The following TMPRSS15 variants were observed in gnomAD, a reference collection of about 807,000 sequenced individuals.
The protein encoded by TMPRSS15 is enteropeptidase.
A neutral mutation model predicts 125.3 loss-of-function variants in TMPRSS15; 128 were observed. The ratio of observed to expected loss-of-function variants is 1.02; its 90% confidence interval spans 0.89 to 1.18. TMPRSS15 has a LOEUF of 1.18. Ranked by LOEUF, TMPRSS15 falls within the 50% of genes most tolerant of loss-of-function variation. TMPRSS15 has a pLI of 0.00. For missense variants in TMPRSS15, 1,283 were observed against 1,212.7 expected (o/e 1.06, Z -0.86); for synonymous variants, 446 against 423.2 (o/e 1.05, Z -0.66).
chr21:18,270,214 A>C, intron 24 of TMPRSS15, 90 bp from the exon 25 acceptor site: 2 of 1,141,294 alleles, frequency 1.8e-6, no homozygotes, highest in Non-Finnish European at 2.5e-6. Context: ...ATTAAAAAAT[A>C]AAAATTAATT....
rs183404901 is a variant in TMPRSS15 at position 18,274,961 on chromosome 21, T to C, written c.2904+236A>G. ...TAGCTGGCTGCCTCACACATTCAAG[T>C]ATTATGTCTAGTCTCCAAAAGCATC... On this transcript the variant is annotated intron_variant, in intron 24 of 24. Coordinates refer to ENST00000284885, the MANE Select transcript of TMPRSS15 (RefSeq NM_002772.3). 2.0e-4 allele frequency among the ~76,000 whole-genome samples: 31 copies of C among 152,332 alleles called. No homozygotes were observed. In the East Asian group the frequency reaches 2.9e-3, roughly 14 times the overall value.
intron 6 of TMPRSS15, among the ~76,000 whole-genome samples, chr21:18,368,108 G>C (rs1240045551): frequency 2.0e-5 from 3 of 152,270 alleles, no homozygotes; most frequent in East Asian, 1.9e-4. Flanking sequence ...GACACACACA[G>C]AGAGAGAAAG....
intron 14 of TMPRSS15, among the ~76,000 whole-genome samples, chr21:18,330,439 T>G (rs940130659): frequency 6.6e-6 from 1 of 152,212 alleles, no homozygotes; most frequent in African/African-American, 2.4e-5. Context: ...TCTTTCACAC[T>G]TCTAATTTTA....
At chr21:18,325,216 G>A (rs2075276785) in intron 16 of TMPRSS15, among the ~76,000 whole-genome samples, 2 of 151,528 alleles carry the variant, frequency 1.3e-5, no homozygotes, top group African/African-American at 2.4e-5. Context: ...ATAATTTTGT[G>A]TAGATCTCAA....
Position 18,332,074 on chromosome 21 carries a change from A to T in TMPRSS15, c.1654+10T>A, listed in dbSNP as rs774389702. On this transcript the variant is annotated intron_variant, in intron 14 of 24. Transcript: ENST00000284885. ...TTTGTTTCTGATGACCTGGAAAAGAAATGACTCACAGAAAGCCAGATTAGG... is the reference window on the plus strand; with the variant it reads ...TTTGTTTCTGATGACCTGGAAAAGATATGACTCACAGAAAGCCAGATTAGG... 1.6e-5 allele frequency: 26 copies of T among 1,610,194 alleles called. No individual in the cohort carries two copies. In the Admixed American group the frequency reaches 4.3e-4, roughly 27 times the overall value.
intron 3 of TMPRSS15, among the ~76,000 whole-genome samples, chr21:18,392,442 A>G (rs1401710758): frequency 2.0e-5 from 3 of 152,108 alleles, no homozygotes; most frequent in Non-Finnish European, 4.4e-5. Context: ...CCCTTTTCCA[A>G]TAAGTTCCTG....
upstream of TMPRSS15, among the ~76,000 whole-genome samples, chr21:18,404,628 A>G (rs928754368): frequency 6.6e-6 from 1 of 152,130 alleles, no homozygotes; most frequent in African/African-American, 2.4e-5. Flanking sequence ...AAACTAAATA[A>G]AACCGAATCT....
chr21:18,417,420 T>C (rs1331470193), intron 1 of TMPRSS15, among the ~76,000 whole-genome samples: 3 of 152,146 alleles, frequency 2.0e-5, no homozygotes, highest in African/African-American at 7.2e-5. Flanking sequence ...TAAACAAAGA[T>C]GGCATGAATA....
In TMPRSS15 at chr21:18,269,964, A is replaced by G; in HGVS notation, c.*5T>C. ...GCGACTTTCCTGTTTAGTTTAAGAAATGCGCTAATGTAGAAAACTTTGTAT... is the reference window on the plus strand; with the variant it reads ...GCGACTTTCCTGTTTAGTTTAAGAAGTGCGCTAATGTAGAAAACTTTGTAT... On this transcript the variant is annotated 3_prime_UTR_variant, in exon 25 of 25. Coordinates refer to ENST00000284885, the MANE Select transcript of TMPRSS15 (RefSeq NM_002772.3). 1.2e-6 allele frequency: 2 copies of G among 1,613,718 alleles called. No homozygotes were observed. The highest frequency in any genetic ancestry group is 8.5e-7 in the Non-Finnish European group (1 of 1,179,706).
chr21:18,440,281 G>A (rs1052517252), intron 1 of TMPRSS15, among the ~76,000 whole-genome samples: 4 of 144,708 alleles, frequency 2.8e-5, no homozygotes, highest in Non-Finnish European at 4.5e-5. Flanking sequence ...GCTGAGGCAG[G>A]AGAATGGCGT....
intron 6 of TMPRSS15, among the ~76,000 whole-genome samples, chr21:18,369,975 A>AAAG (rs1555905771): frequency 6.7e-6 from 1 of 149,342 alleles, no homozygotes; most frequent in African/African-American, 2.5e-5. Context: ...TACTTAAACG[A>AAAG]AAAAAAAAAA....
chr21:18,331,970 C>T lies in TMPRSS15; in HGVS notation c.1654+114G>A, dbSNP rs1269721889. 7.3e-6 allele frequency: 6 copies of T among 826,892 alleles called. No individual in the cohort carries two copies. The East Asian group carries it at 9.8e-5, about 14-fold the overall frequency. The allele number at this position is 826,892 out of a possible 1,614,324, so 51.2% of individuals were successfully genotyped here. ...TATATTAAGCAATCTTATAGGTAGACATGATAGGCGTACCCATGTTTGACA... is the reference window on the plus strand; with the variant it reads ...TATATTAAGCAATCTTATAGGTAGATATGATAGGCGTACCCATGTTTGACA... On this transcript the variant is annotated intron_variant, in intron 14 of 24. Coordinates refer to ENST00000284885, the MANE Select transcript of TMPRSS15 (RefSeq NM_002772.3).
At chr21:18,333,516 A>T (rs1215713498) in intron 13 of TMPRSS15, among the ~76,000 whole-genome samples, 2 of 152,204 alleles carry the variant, frequency 1.3e-5, no homozygotes, top group Non-Finnish European at 2.9e-5. Flanking sequence ...TAAATCATTT[A>T]ATTCTGCAAT....
intron 1 of TMPRSS15, among the ~76,000 whole-genome samples, chr21:18,426,051 C>T (rs950375854): frequency 1.3e-5 from 2 of 152,020 alleles, no homozygotes; most frequent in Non-Finnish European, 2.9e-5. Flanking sequence ...TCTTTTATAG[C>T]CTGCATACCT....
At chr21:18,271,447 T>TACTC (rs1161380220) in intron 24 of TMPRSS15, among the ~76,000 whole-genome samples, 1 of 152,176 alleles carries the variant, frequency 6.6e-6, no homozygotes, top group African/African-American at 2.4e-5. Context: ...CGGTTGCAGT[T>TACTC]ACTCAAGGAT....
At chr21:18,442,207 A>C (rs1207797826) in intron 1 of TMPRSS15, among the ~76,000 whole-genome samples, 1 of 152,164 alleles carries the variant, frequency 6.6e-6, no homozygotes, top group Non-Finnish European at 1.5e-5. Flanking sequence ...AATTTTATTT[A>C]AAAATATCCT....
In TMPRSS15 at chr21:18,297,793, ATCGGT is replaced by A; in HGVS notation, c.2197_2201del (p.Thr733TrpfsTer12). The A allele has an allele frequency of 6.2e-7, 1 of 1,613,836 alleles. No homozygotes were observed. Among genetic ancestry groups the A allele is most frequent in the African/African-American group, 1.3e-5 (1 of 75,038 alleles). On this transcript the variant is annotated frameshift_variant, in exon 19 of 25. Transcript: ENST00000284885. LOFTEE classifies it high-confidence loss of function. ...TGTTTAATTTGACAAATGGTCCACC[ATCGGT>A]AGGGAAGATTGGCTTTGATGAGTTT...
At chr21:18,300,133 C>T (rs1431233152) in intron 18 of TMPRSS15, among the ~76,000 whole-genome samples, 1 of 141,950 alleles carries the variant, frequency 7.0e-6, no homozygotes, top group South Asian at 2.2e-4. Flanking sequence ...TTGGATATAT[C>T]CCCCGTCTCT....
At chr21:18,439,933 G>A (rs1427177078) in intron 1 of TMPRSS15, among the ~76,000 whole-genome samples, 1 of 152,148 alleles carries the variant, frequency 6.6e-6, no homozygotes, top group Non-Finnish European at 1.5e-5. Flanking sequence ...GGCACAAAAT[G>A]TTTTCATGAG....
Sources: allele counts gnomAD v4.1 joint callset (sites outside exome capture counted in the v4.1 genomes callset), GRCh38; gene constraint gnomAD v4.1.1; transcripts MANE v1.5; gene names NCBI Gene and HGNC (gene_info 2026-07-23, HGNC 2026-07-21).